DDX21: variants seen among roughly 807,000 people sequenced by gnomAD.
DDX21 encodes DExD-box helicase 21.
Under a neutral mutation model 90.0 loss-of-function variants are expected in DDX21, and 18 were observed. The ratio of observed to expected loss-of-function variants is 0.20; its 90% confidence interval spans 0.14 to 0.30. DDX21 has a LOEUF of 0.30. DDX21 is among the 10% of genes least tolerant of loss of function. DDX21 has a pLI of 1.00. For synonymous variants in DDX21, 294 were observed against 318.0 expected (o/e 0.92, Z 0.80); for missense variants, 673 against 944.5 (o/e 0.71, Z 3.77).
At chr10:68,981,808 C>T (rs1843195372) in intron 14 of DDX21, among the ~76,000 whole-genome samples, 1 of 151,980 alleles carries the variant, frequency 6.6e-6, no homozygotes, top group South Asian at 2.1e-4. Flanking sequence ...GAACGATATC[C>T]AGCTCTCCCC....
Position 68,965,380 on chromosome 10 carries a change from C to G in DDX21, c.790C>G (p.Leu264Val), listed in dbSNP as rs1238593031. ...TTCAATTATTTTTCTTTATCAGGTA[C>G]TGGTTCTTGCACCTACAAGAGAGTT... is the stretch of plus-strand genomic sequence containing the variant. ...DRKRGRAPQV[L>V]VLAPTRELAN... The change falls in exon 5 of 15, where the codon CTG becomes GTG. Residue 264 changes from leucine to valine, a missense_variant. By Grantham distance (32) the Leu-to-Val change is conservative (BLOSUM62 1). This residue lies in a region of DDX21 where 218 missense variants were observed against 347.3 expected (regional missense o/e 0.63). Coordinates refer to ENST00000354185, the MANE Select transcript of DDX21 (RefSeq NM_004728.4). 11 of 1,612,070 alleles carry G rather than the reference C, an allele frequency of 6.8e-6. No homozygotes were observed. Among genetic ancestry groups the G allele is most frequent in the Non-Finnish European group, 9.3e-6 (11 of 1,178,728 alleles).
At chr10:68,980,077 C>T (rs544231750) in intron 13 of DDX21, among the ~76,000 whole-genome samples, 9 of 152,164 alleles carry the variant, frequency 5.9e-5, no homozygotes, top group African/African-American at 2.2e-4. Flanking sequence ...CCTGTCTGTA[C>T]TAAAAATACA....
At chr10:68,977,439 T>C (rs1843117517) in intron 11 of DDX21, 90 bp from the exon 12 acceptor site, 4 of 1,251,662 alleles carry the variant, frequency 3.2e-6, no homozygotes, top group Non-Finnish European at 3.3e-6. Flanking sequence ...GTGAAAGATT[T>C]GGAAAGTTAC....
chr10:68,968,855 A>G, intron 6 of DDX21, 121 bp from the exon 7 acceptor site: 1 of 1,141,820 alleles, frequency 8.8e-7, no homozygotes, highest in Non-Finnish European at 1.2e-6. Context: ...TCAGTGCCCG[A>G]CTTGGCCTCA....
chr10:68,962,277 A>G (rs1294409428), intron 3 of DDX21, 120 bp downstream of exon 3: 10 of 689,758 alleles, frequency 1.4e-5, no homozygotes, highest in Admixed American at 2.8e-5. Flanking sequence ...ATGCAGTCAT[A>G]TAATGAAGTA....
chr10:68,974,816 G>T, intron 11 of DDX21, 73 bp downstream of exon 11: 1 of 1,402,872 alleles, frequency 7.1e-7, no homozygotes, highest in Non-Finnish European at 9.8e-7. Context: ...ACAGTAATAA[G>T]ATTTGACTTA....
chr10:68,958,763 C>T (rs966293619), intron 1 of DDX21, among the ~76,000 whole-genome samples: 5 of 152,030 alleles, frequency 3.3e-5, no homozygotes, highest in South Asian at 2.1e-4. Context: ...TCAATAGAGA[C>T]GGGGTCTCGC....
At chr10:68,957,903 A>T (rs1211762403) in intron 1 of DDX21, among the ~76,000 whole-genome samples, 1 of 152,256 alleles carries the variant, frequency 6.6e-6, no homozygotes, top group African/African-American at 2.4e-5. Context: ...GCTACAACAC[A>T]TGTCTAATTG....
In DDX21 at chr10:68,968,959, T is replaced by C. The variant is rs1842981765; in HGVS notation, c.1091-17T>C. The C allele has an allele frequency of 1.2e-6, 2 of 1,611,560 alleles. 1 individual carries two copies. Among genetic ancestry groups the C allele is most frequent in the Non-Finnish European group, 1.7e-6 (2 of 1,178,970 alleles). ...TTGGATTATTCATACTGACTTTTTT[T>C]TTCCCCCTCCTCAAAGATTCTGAAG... On this transcript the variant is annotated splice_polypyrimidine_tract_variant and intron_variant, in intron 6 of 14. Transcript: ENST00000354185.
At chr10:68,956,585 C>T in intron 1 of DDX21, 2 of 1,271,844 alleles carry the variant, frequency 1.6e-6, no homozygotes, top group Non-Finnish European at 2.0e-6. Flanking sequence ...TAGAGAGGCC[C>T]TGTTGGAGCT....
At chr10:68,958,546 C>T (rs942958449) in intron 1 of DDX21, among the ~76,000 whole-genome samples, 3 of 148,652 alleles carry the variant, frequency 2.0e-5, no homozygotes, top group Non-Finnish European at 2.9e-5. Flanking sequence ...AAGCAGTTCT[C>T]CTGCCTCAGC....
intron 5 of DDX21, among the ~76,000 whole-genome samples, chr10:68,965,751 A>T (rs1037556688): frequency 2.6e-5 from 4 of 152,170 alleles, no homozygotes; most frequent in African/African-American, 9.7e-5. Flanking sequence ...GAACCCAAAA[A>T]GACAGTCCAT....
rs1033303466 is a variant in DDX21 at position 68,983,932 on chromosome 10, C to T, written c.*1120C>T. 6.6e-6 allele frequency: 1 copy of T among 152,116 alleles called. No individual in the cohort carries two copies. Among genetic ancestry groups the T allele is most frequent in the Non-Finnish European group, 1.5e-5 (1 of 68,018 alleles). The allele number at this position is 152,116 out of a possible 1,614,324, so 9.4% of individuals were successfully genotyped here. On this transcript the variant is annotated 3_prime_UTR_variant, in exon 15 of 15. Coordinates refer to ENST00000354185, the MANE Select transcript of DDX21 (RefSeq NM_004728.4). ...AGTTCCTAAAGCCACAGTATAGGAT[C>T]TGTTAAACTGAATGTCTGTTGAAAG...
intron 5 of DDX21, 111 bp from the exon 6 acceptor site, chr10:68,966,907 T>C (rs1842947006): frequency 1.3e-6 from 1 of 784,490 alleles, no homozygotes; most frequent in Non-Finnish European, 1.9e-6. Flanking sequence ...TACTTTGTAC[T>C]TGTAGGTATT....
intron 11 of DDX21, among the ~76,000 whole-genome samples, chr10:68,976,084 A>T (rs1843096562): frequency 6.6e-6 from 1 of 151,232 alleles, no homozygotes; most frequent in Admixed American, 6.6e-5. Context: ...TACAAAAATT[A>T]GATGTGGTAG....
Position 68,978,933 on chromosome 10 carries a change from T to C in DDX21, c.1994T>C (p.Ile665Thr), listed in dbSNP as rs1290905531. The change falls in exon 13 of 15, where the codon ATT becomes ACT. Residue 665 changes from isoleucine (I) to threonine (T), a missense_variant. This residue lies in a region of DDX21 where 225 missense variants were observed against 298.8 expected (regional missense o/e 0.75). Transcript: ENST00000354185. ...CTTAAAGAGCAGCTGGGCGAGGAGA[T>C]TGATTCCAAAGTGAAGGGAATGGTT... ...KELKEQLGEE[I>T]DSKVKGMVFL... is the part of the protein sequence containing the mutation. 2 of 1,614,190 alleles carry C rather than the reference T, an allele frequency of 1.2e-6. No homozygotes were observed.
At chr10:68,960,369 G>A in intron 2 of DDX21, 120 bp downstream of exon 2, 2 of 1,026,274 alleles carry the variant, frequency 1.9e-6, no homozygotes, top group East Asian at 5.6e-5. Flanking sequence ...AGCACCTTGT[G>A]GGTTGGGGGA....
intron 13 of DDX21, among the ~76,000 whole-genome samples, chr10:68,980,947 C>A (rs1261714821): frequency 6.6e-6 from 1 of 150,834 alleles, no homozygotes; most frequent in African/African-American, 2.4e-5. Flanking sequence ...GAGCAAGACC[C>A]TATCTTAAGA....
At chr10:68,968,800 AT>A (rs1383861683) in intron 6 of DDX21, among the ~76,000 whole-genome samples, 175 bp from the exon 7 acceptor site, 1 of 152,194 alleles carries the variant, frequency 6.6e-6, no homozygotes, top group Non-Finnish European at 1.5e-5. Context: ...ACCTAGCGGT[AT>A]TTCTTTGCCC....
Sources: allele counts gnomAD v4.1 joint callset (sites outside exome capture counted in the v4.1 genomes callset), GRCh38; gene constraint gnomAD v4.1.1; regional missense constraint gnomAD v4.1.1; transcripts MANE v1.5; gene names NCBI Gene and HGNC (gene_info 2026-07-23, HGNC 2026-07-21).